Variants in DOK5 observed in about 807,000 individuals in gnomAD.
DOK5 encodes docking protein 5, also known as downstream of tyrosine kinase 5.
A neutral mutation model predicts 43.3 loss-of-function variants in DOK5; 27 were observed. The ratio of observed to expected loss-of-function variants is 0.62; its 90% CI spans 0.46 to 0.86. The LOEUF (loss-of-function observed/expected upper bound fraction) is 0.86, where lower values mean the gene tolerates loss of function less well. DOK5 is among the 40% of genes least tolerant of loss of function. The pLI is 0.00. For missense variants in DOK5, 373 were observed against 392.9 expected, an observed-to-expected ratio of 0.95 and a Z score of 0.43; for synonymous variants, 146 against 140.1, an observed-to-expected ratio of 1.04 and a Z score of -0.30.
chr20:54,602,095 T>C (rs934092883), intron 5 of DOK5, among the ~76,000 whole-genome samples: 1 of 152,194 alleles, frequency 6.6e-6, no homozygotes, highest in African/African-American at 2.4e-5. Context: ...TGGCTGTGCC[T>C]CTCTCGTGAG....
At chr20:54,541,560 C>T (rs144821556) in intron 1 of DOK5, among the ~76,000 whole-genome samples, 1,987 of 152,154 alleles carry the variant, frequency 0.013, 24 homozygotes, top group Non-Finnish European at 0.021. Flanking sequence ...CTCAGCCTCC[C>T]GAGTAGCTGG....
At chr20:54,564,858 C>T (rs149187587) in intron 2 of DOK5, among the ~76,000 whole-genome samples, 226 of 152,322 alleles carry the variant, frequency 1.5e-3, no homozygotes, top group African/African-American at 5.2e-3. Flanking sequence ...ATTGCCAATA[C>T]CCTGGTCTCC....
intron 2 of DOK5, among the ~76,000 whole-genome samples, chr20:54,577,254 C>T (rs1321141141): frequency 6.6e-6 from 1 of 152,136 alleles, no homozygotes. Context: ...AATTTAGTAT[C>T]ACTTTAAAAT....
chr20:54,648,808 C>T (rs1285576170), intron 7 of DOK5, among the ~76,000 whole-genome samples: 3 of 152,152 alleles, frequency 2.0e-5, no homozygotes, highest in Non-Finnish European at 2.9e-5. Context: ...GGGAGACTAG[C>T]CCCAAGGCCG....
intron 6 of DOK5, among the ~76,000 whole-genome samples, chr20:54,632,995 C>G (rs546456704): frequency 6.6e-6 from 1 of 152,038 alleles, no homozygotes; most frequent in African/African-American, 2.4e-5. Context: ...CGCTTGAACC[C>G]GGGAGGTAGA....
intron 6 of DOK5, among the ~76,000 whole-genome samples, chr20:54,614,476 G>T (rs1313969824): frequency 6.6e-6 from 1 of 152,212 alleles, no homozygotes; most frequent in Non-Finnish European, 1.5e-5. Context: ...ACCTGAAGAA[G>T]TTTGTCTAAG....
chr20:54,583,801 C>T (rs1985711998), intron 2 of DOK5, among the ~76,000 whole-genome samples: 1 of 152,018 alleles, frequency 6.6e-6, no homozygotes, highest in Admixed American at 6.6e-5. Flanking sequence ...CTCTTGTAGA[C>T]AGCATATCGT....
intron 1 of DOK5, among the ~76,000 whole-genome samples, chr20:54,502,415 A>G (rs1393190400): frequency 6.6e-6 from 1 of 152,204 alleles, no homozygotes; most frequent in Non-Finnish European, 1.5e-5. Context: ...GAGTCATTTT[A>G]GGATTACTAT....
At chr20:54,556,734 T>C (rs142315261) in intron 2 of DOK5, among the ~76,000 whole-genome samples, 22 of 152,344 alleles carry the variant, frequency 1.4e-4, no homozygotes, top group Non-Finnish European at 3.1e-4. Flanking sequence ...AGGTCTTCTC[T>C]TGAGAACCTT....
intron 6 of DOK5, among the ~76,000 whole-genome samples, chr20:54,637,842 G>GC (rs1204592887): frequency 6.6e-6 from 1 of 152,194 alleles, no homozygotes; most frequent in Non-Finnish European, 1.5e-5. Context: ...CCCTACTTTG[G>GC]CCGGGCGCGG....
At chr20:54,644,997 C>CTTTTT (rs869031533) in intron 7 of DOK5, among the ~76,000 whole-genome samples, 6 of 82,414 alleles carry the variant, frequency 7.3e-5, no homozygotes, top group Non-Finnish European at 9.4e-5. Context: ...TAAAAAAACT[C>CTTTTT]TTTTTTTTTT....
intron 5 of DOK5, among the ~76,000 whole-genome samples, chr20:54,605,732 T>C (rs4811509): frequency 0.25 from 38,434 of 152,146 alleles, 6,247 homozygotes; most frequent in African/African-American, 0.44. Flanking sequence ...CAGTTATTTA[T>C]TGAACATGAA....
chr20:54,633,044 C>T (rs1363357580), intron 6 of DOK5, among the ~76,000 whole-genome samples: 1 of 152,088 alleles, frequency 6.6e-6, no homozygotes, highest in Admixed American at 6.5e-5. Flanking sequence ...GCACTGCAGC[C>T]TGGGTGACAA....
intron 6 of DOK5, among the ~76,000 whole-genome samples, chr20:54,626,817 T>C (rs1416456907): frequency 6.6e-6 from 1 of 152,240 alleles, no homozygotes; most frequent in East Asian, 1.9e-4. Flanking sequence ...TAGTTTGAAG[T>C]CTTGTAGTAC....
intron 6 of DOK5, among the ~76,000 whole-genome samples, chr20:54,643,144 A>C (rs962451022): frequency 3.3e-5 from 5 of 152,222 alleles, no homozygotes; most frequent in African/African-American, 1.2e-4. Context: ...GTGGTCTGGC[A>C]TGGGTCACCA....
intron 7 of DOK5, among the ~76,000 whole-genome samples, chr20:54,646,255 T>TTTTTTTTTTTTTTTTTTG: frequency 7.3e-6 from 1 of 136,088 alleles, no homozygotes; most frequent in African/African-American, 2.8e-5. Context: ...ACTGTTTTTT[T>TTTTTTTTTTTTTTTTTTG]TTTTTTTTTT....
chr20:54,648,493 C>G (rs953478038), intron 7 of DOK5, among the ~76,000 whole-genome samples: 12 of 152,250 alleles, frequency 7.9e-5, no homozygotes, highest in African/African-American at 2.9e-4. Context: ...CCCTGCAACA[C>G]CCCAAGACCT....
At chr20:54,568,720 G>C (rs529621887) in intron 2 of DOK5, among the ~76,000 whole-genome samples, 1 of 152,210 alleles carries the variant, frequency 6.6e-6, no homozygotes, top group South Asian at 2.1e-4. Flanking sequence ...CACGAGGTAA[G>C]GAGATCGAGA....
intron 6 of DOK5, among the ~76,000 whole-genome samples, chr20:54,632,466 G>A (rs1362712044): frequency 6.6e-6 from 1 of 152,112 alleles, no homozygotes; most frequent in African/African-American, 2.4e-5. Flanking sequence ...TCTAAATATT[G>A]GCAATAACCA....
Sources: allele counts gnomAD v4.1 joint callset (sites outside exome capture counted in the v4.1 genomes callset), GRCh38; gene constraint gnomAD v4.1.1; transcripts MANE v1.5; gene names NCBI Gene and HGNC (gene_info 2026-07-23, HGNC 2026-07-21).